AOPEP: variants seen among roughly 807,000 people sequenced by gnomAD.
AOPEP encodes aminopeptidase O (putative).
AOPEP carries 77 observed loss-of-function variants against 98.1 expected under a neutral mutation model. The observed-to-expected ratio is 0.78, with a 90% confidence interval of 0.65 to 0.95. The LOEUF (loss-of-function observed/expected upper bound fraction) is 0.95, where lower values mean the gene tolerates loss of function less well. Ranked by LOEUF, AOPEP falls within the 40% of genes least tolerant of loss-of-function variation. AOPEP has a pLI of 0.00. For synonymous variants in AOPEP, 346 were observed against 365.3 expected, an observed-to-expected ratio of 0.95 and a Z score of 0.60; for missense variants, 1,024 against 1,024.7, an observed-to-expected ratio of 1.00 and a Z score of 0.01.
chr9:94,760,330 T>G lies in AOPEP; in HGVS notation c.547T>G (p.Phe183Val). Reference protein sequence around the residue: ...SPELTVVSEEFRNQIVRELVT... With the variant: ...SPELTVVSEEVRNQIVRELVT... ...TGAGCTCACGGTTGTTTCTGAGGAG[T>G]TCAGGAATCAGATTGTACGTGAACT... Residue 183 changes from phenylalanine to valine, a missense_variant, in exon 2 of 17, where the codon TTC becomes GTC. Around this residue, in one of 3 missense-constraint regions of AOPEP, gnomAD observed 440 missense variants for 433.8 expected, o/e 1.01. Coordinates refer to ENST00000375315, the MANE Select transcript of AOPEP (RefSeq NM_001193329.3). 6.2e-7 allele frequency: 1 copy of G among 1,613,848 alleles called. No individual in the cohort carries two copies. Among genetic ancestry groups the G allele is most frequent in the Non-Finnish European group, 8.5e-7 (1 of 1,179,980 alleles).
chr9:95,111,636 A>G, the AOPEP span: 635 of 1,614,122 alleles, frequency 3.9e-4, 1 homozygote, highest in African/African-American at 7.6e-3. Context: ...CCTCCGCAGG[A>G]CCTGGAACAG....
chr9:95,043,837 G>A (rs930271686), intron 13 of AOPEP, among the ~76,000 whole-genome samples: 1 of 152,090 alleles, frequency 6.6e-6, no homozygotes, highest in African/African-American at 2.4e-5. Flanking sequence ...GCTAATTTTT[G>A]TATGTTTTGT....
At chr9:95,076,932 C>T (rs933390075) in intron 14 of AOPEP, among the ~76,000 whole-genome samples, 1 of 152,240 alleles carries the variant, frequency 6.6e-6, no homozygotes, top group African/African-American at 2.4e-5. Flanking sequence ...TTTGTCCAGT[C>T]TCCTAGGGAG....
At chr9:95,110,917 A>ATT in the AOPEP span, 1 of 1,313,544 alleles carries the variant, frequency 7.6e-7, no homozygotes. Context: ...TATTTAGGAA[A>ATT]TGACCAACTT....
At chr9:94,743,242 GAGGAAGAAGAGGAA>G (rs879845583) in intron 1 of AOPEP, among the ~76,000 whole-genome samples, 6,680 of 149,738 alleles carry the variant, frequency 0.045, 189 homozygotes, top group Admixed American at 0.066. Flanking sequence ...GGAAGAAGAA[GAGGAAGAAGAGGAA>G]GAAGAAGAAG....
intron 7 of AOPEP, chr9:94,932,776 G>A (rs1047618037): frequency 8.1e-6 from 8 of 984,912 alleles, no homozygotes; most frequent in East Asian, 2.3e-4. Flanking sequence ...GAACCACTGC[G>A]CCCAGCCCAG....
chr9:95,051,802 C>T (rs1392135539), intron 13 of AOPEP, among the ~76,000 whole-genome samples: 2 of 151,564 alleles, frequency 1.3e-5, no homozygotes, highest in African/African-American at 4.9e-5. Flanking sequence ...CTCCCAGGTT[C>T]ACGCCATTCT....
chr9:94,827,118 C>T (rs1461581686), intron 5 of AOPEP, among the ~76,000 whole-genome samples: 1 of 152,186 alleles, frequency 6.6e-6, no homozygotes, highest in East Asian at 1.9e-4. Flanking sequence ...AACAGCTTCT[C>T]TTCTTTTCTG....
At chr9:94,862,554 G>A (rs1176299537) in intron 5 of AOPEP, among the ~76,000 whole-genome samples, 12 of 152,132 alleles carry the variant, frequency 7.9e-5, no homozygotes, top group African/African-American at 2.9e-4. Context: ...CCTGCGACTG[G>A]TCCCCACCCT....
intron 13 of AOPEP, among the ~76,000 whole-genome samples, chr9:95,045,541 A>T (rs1191472643): frequency 2.0e-5 from 3 of 152,230 alleles, no homozygotes; most frequent in South Asian, 4.1e-4. Context: ...GCGGTCAAGG[A>T]TGCTGGTGGC....
rs751615583 is a variant in AOPEP, at chr9:94,946,979, C to CT, written c.1662-8184dup. 2.0e-3 allele frequency among the ~76,000 whole-genome samples: 285 copies of CT among 141,692 alleles called. 1 individual carries two copies. The highest frequency in any genetic ancestry group is 7.2e-3 in the Middle Eastern group (2 of 276). 93.0% of individuals were successfully genotyped at this position (141,692 alleles called of 152,430 possible). On this transcript the variant is annotated intron_variant, in intron 7 of 16. Transcript: ENST00000375315. ...TATACCATGTTTCTTTTTTGTTATT[C>CT]TTTTTTTTTTTTTTCGAGATAGAGT...
chr9:94,983,081 G>C (rs2060294604), intron 11 of AOPEP, among the ~76,000 whole-genome samples: 1 of 152,090 alleles, frequency 6.6e-6, no homozygotes, highest in African/African-American at 2.4e-5. Flanking sequence ...AGGCTGGAGT[G>C]CAGTGGCACG....
At chr9:94,979,256 G>A in intron 10 of AOPEP, 111 bp from the exon 11 acceptor site, 1 of 682,062 alleles carries the variant, frequency 1.5e-6, no homozygotes, top group South Asian at 1.9e-5. Flanking sequence ...TAAAGCACGG[G>A]CACTTCTGGA....
chr9:94,773,968 A>G (rs1364435661), intron 3 of AOPEP, among the ~76,000 whole-genome samples: 2 of 152,046 alleles, frequency 1.3e-5, no homozygotes, highest in African/African-American at 4.8e-5. Flanking sequence ...AGATTTTGCC[A>G]TGTTGCCCAG....
intron 7 of AOPEP, among the ~76,000 whole-genome samples, chr9:94,942,699 A>G (rs2057137820): frequency 6.6e-6 from 1 of 152,170 alleles, no homozygotes; most frequent in Admixed American, 6.5e-5. Flanking sequence ...AAATAATTAG[A>G]GCTAATAAAC....
At chr9:94,742,885 G>T (rs777023718) in intron 1 of AOPEP, among the ~76,000 whole-genome samples, 6 of 151,940 alleles carry the variant, frequency 3.9e-5, no homozygotes, top group East Asian at 1.9e-4. Flanking sequence ...AAAAATAACC[G>T]CAGATTGTTG....
the AOPEP span, among the ~76,000 whole-genome samples, chr9:95,129,690 A>C: frequency 1.3e-5 from 2 of 152,158 alleles, no homozygotes; most frequent in Non-Finnish European, 2.9e-5. Context: ...CTGGCCTAAC[A>C]ATTTCCACAG....
intron 5 of AOPEP, among the ~76,000 whole-genome samples, chr9:94,908,782 A>C (rs974000730): frequency 2.6e-5 from 4 of 152,214 alleles, no homozygotes; most frequent in Non-Finnish European, 5.9e-5. Context: ...TGCACAGATA[A>C]GGGGCACTGG....
At chr9:95,085,789 C>A in intron 16 of AOPEP, 1 of 720,004 alleles carries the variant, frequency 1.4e-6, no homozygotes, top group Non-Finnish European at 1.9e-6. Flanking sequence ...AAAAATTCTT[C>A]TTACAAAAAA....
Sources: allele counts gnomAD v4.1 joint callset (sites outside exome capture counted in the v4.1 genomes callset), GRCh38; gene constraint gnomAD v4.1.1; regional missense constraint gnomAD v4.1.1; transcripts MANE v1.5; gene names NCBI Gene and HGNC (gene_info 2026-07-23, HGNC 2026-07-21).